Variants in MYO18B observed in about 807,000 individuals in gnomAD.
The protein encoded by MYO18B is unconventional myosin-XVIIIb.
Under a neutral mutation model 273.0 loss-of-function variants are expected in MYO18B, and 204 were observed. That is an observed-to-expected ratio of 0.75 (90% confidence interval 0.67 to 0.84). The LOEUF is 0.84. Among genes scored for constraint, MYO18B ranks in the 40% least tolerant of loss-of-function variants. The probability of loss-of-function intolerance (pLI) is 0.00; values close to 1 mark genes in which losing one functional copy is unlikely to be tolerated. For missense variants in MYO18B, 3,212 were observed against 3,287.6 expected (o/e 0.98, Z 0.56); for synonymous variants, 1,330 against 1,305.7 (o/e 1.02, Z -0.40).
intron 1 of MYO18B, among the ~76,000 whole-genome samples, chr22:25,760,239 A>T (rs371530200): frequency 1.3e-4 from 19 of 151,784 alleles, no homozygotes; most frequent in African/African-American, 4.6e-4. Flanking sequence ...TATGATGAAA[A>T]CCCTTCTCTA....
chr22:26,027,003 G>A lies in MYO18B; in HGVS notation c.7029G>A (p.Lys2343=). 2 of 1,613,964 alleles carry A rather than the reference G, an allele frequency of 1.2e-6. No homozygotes were observed. The highest frequency in any genetic ancestry group is 1.7e-6 in the Non-Finnish European group (2 of 1,179,888). ...GVGGTTLLPE[K]SKTQFSSCES... Reference sequence around the variant, plus strand: ...GGGGCACAACCCTACTCCCCGAAAAGTCGAAAACCCAATTCAGTTCCTGCG... The same window carrying A: ...GGGGCACAACCCTACTCCCCGAAAAATCGAAAACCCAATTCAGTTCCTGCG... The change falls in exon 43 of 44, where the codon AAG becomes AAA. Residue 2343 remains lysine, a synonymous_variant. Coordinates refer to ENST00000335473, the MANE Select transcript of MYO18B (RefSeq NM_032608.7). The surrounding 1 kb of genome is among the most constrained non-coding windows in gnomAD (Gnocchi z 4.1).
At chr22:26,011,843 T>C (rs1934947211) in intron 42 of MYO18B, among the ~76,000 whole-genome samples, 1 of 152,260 alleles carries the variant, frequency 6.6e-6, no homozygotes, top group Non-Finnish European at 1.5e-5. Flanking sequence ...TTAATTACTG[T>C]GTAATCTTTG....
chr22:25,958,285 C>T (rs2146665284), intron 39 of MYO18B, among the ~76,000 whole-genome samples: 1 of 152,226 alleles, frequency 6.6e-6, no homozygotes, highest in Admixed American at 6.5e-5. Flanking sequence ...GGAGGCAACC[C>T]TCCAACCCAC....
At chr22:26,019,346 C>T (rs1569300545) in intron 42 of MYO18B, among the ~76,000 whole-genome samples, 1 of 152,228 alleles carries the variant, frequency 6.6e-6, no homozygotes, top group African/African-American at 2.4e-5. Flanking sequence ...AATCCATGTT[C>T]TCCCACTTAT....
At chr22:25,906,728 G>A (rs887281564) in intron 31 of MYO18B, among the ~76,000 whole-genome samples, 1 of 152,162 alleles carries the variant, frequency 6.6e-6, no homozygotes, top group Non-Finnish European at 1.5e-5. Context: ...GAGGCCTCAG[G>A]AAACTTACAG....
At chr22:25,913,350 G>A (rs2092196752) in intron 33 of MYO18B, among the ~76,000 whole-genome samples, 1 of 138,318 alleles carries the variant, frequency 7.2e-6, no homozygotes, top group African/African-American at 2.8e-5. Flanking sequence ...TTCACATGTT[G>A]ATTGTGGCTT....
chr22:25,783,088 A>G (rs1052260841), intron 10 of MYO18B, among the ~76,000 whole-genome samples: 4 of 152,220 alleles, frequency 2.6e-5, no homozygotes, highest in African/African-American at 7.2e-5. Context: ...GGCAGACAAT[A>G]CTTCTTAAAA....
chr22:25,968,494 G>A (rs1320273008), intron 39 of MYO18B, among the ~76,000 whole-genome samples: 1 of 152,098 alleles, frequency 6.6e-6, no homozygotes. Flanking sequence ...GCCCCTTCTA[G>A]GTTTTATCTT....
chr22:25,826,466 A>G lies in MYO18B; in HGVS notation c.2753A>G (p.Glu918Gly). The G allele has an allele frequency of 6.2e-7, 1 of 1,613,824 alleles. No individual in the cohort carries two copies. The highest frequency in any genetic ancestry group is 8.5e-7 in the Non-Finnish European group (1 of 1,179,778). The change falls in exon 14 of 44, where the codon GAA becomes GGA. Residue 918 changes from glutamate to glycine, a missense_variant. Physicochemically the swap from Glu to Gly is moderately conservative, Grantham distance 98. Transcript: ENST00000335473. ...GGGATGGCCTCGGGCCTGTACCAGG[A>G]ACTCTTTGCGGCTGTGGTCTCACTC... is the stretch of plus-strand genomic sequence containing the variant. ...VEGMASGLYQ[E>G]LFAAVVSLIN...
downstream of MYO18B, among the ~76,000 whole-genome samples, chr22:26,033,246 C>T (rs1330804613): frequency 3.9e-5 from 6 of 152,138 alleles, no homozygotes; most frequent in Non-Finnish European, 7.3e-5. Context: ...TTTCTGAGTA[C>T]CTTCTAAGTG....
At chr22:25,856,943 C>T (rs1026768309) in intron 21 of MYO18B, among the ~76,000 whole-genome samples, 1 of 152,120 alleles carries the variant, frequency 6.6e-6, no homozygotes, top group African/African-American at 2.4e-5. Flanking sequence ...CCATGCTGCC[C>T]ATTCCATGGT....
At chr22:26,010,206 C>T (rs1276138506) in intron 42 of MYO18B, among the ~76,000 whole-genome samples, 1 of 152,322 alleles carries the variant, frequency 6.6e-6, no homozygotes, top group Non-Finnish European at 1.5e-5. Context: ...ACCTTTAAGT[C>T]AAGCTACCAT....
intron 40 of MYO18B, among the ~76,000 whole-genome samples, chr22:26,000,076 C>A (rs774453512): frequency 2.6e-5 from 4 of 152,214 alleles, no homozygotes; most frequent in Non-Finnish European, 5.9e-5. Flanking sequence ...AGGTCATCTG[C>A]CCTTTGGGCC....
intron 40 of MYO18B, among the ~76,000 whole-genome samples, chr22:25,996,882 A>G (rs1933309043): frequency 1.3e-5 from 2 of 152,030 alleles, no homozygotes; most frequent in Non-Finnish European, 2.9e-5. Context: ...CTCTTTCTCC[A>G]TCGCATCTTC....
chr22:25,755,190 C>A (rs2086073505), intron 1 of MYO18B, among the ~76,000 whole-genome samples: 1 of 152,062 alleles, frequency 6.6e-6, no homozygotes, highest in Admixed American at 6.5e-5. Flanking sequence ...CTTCTTGTGT[C>A]TTTTTAAATT....
At chr22:25,940,172 T>C (rs1259525519) in intron 34 of MYO18B, among the ~76,000 whole-genome samples, 1 of 152,204 alleles carries the variant, frequency 6.6e-6, no homozygotes, top group African/African-American at 2.4e-5. Context: ...TCATCTTGAA[T>C]CAAAAGTAGC....
intron 39 of MYO18B, among the ~76,000 whole-genome samples, chr22:25,985,924 G>T (rs193296600): frequency 6.6e-6 from 1 of 152,108 alleles, no homozygotes. Flanking sequence ...GAGCCGCCCC[G>T]CCCAGCCTAC....
chr22:26,023,384 A>C (rs1225727546), intron 42 of MYO18B, among the ~76,000 whole-genome samples: 1 of 152,148 alleles, frequency 6.6e-6, no homozygotes, highest in Non-Finnish European at 1.5e-5. Flanking sequence ...AGTCAGCAAG[A>C]CACTGTCAGT....
At chr22:25,840,743 G>A (rs755688154) in intron 17 of MYO18B, among the ~76,000 whole-genome samples, 14 of 151,852 alleles carry the variant, frequency 9.2e-5, no homozygotes, top group Admixed American at 2.0e-4. Context: ...GAAGCAGAAG[G>A]CATATGGTAG....
Sources: gnomAD v4.1 joint callset for allele counts (sites outside exome capture counted in the v4.1 genomes callset) on GRCh38, gnomAD v4.1.1 for gene constraint, Gnocchi (gnomAD v3.1) non-coding constraint, MANE v1.5 for transcripts, NCBI Gene and HGNC (gene_info 2026-07-23, HGNC 2026-07-21) for gene names.